HDLBP: variants seen among roughly 807,000 people sequenced by gnomAD.
HDLBP encodes vigilin.
A neutral mutation model predicts 137.3 loss-of-function variants in HDLBP; 30 were observed. That is an observed-to-expected ratio of 0.22 (90% CI 0.16 to 0.30). HDLBP has a LOEUF of 0.30. Among genes scored for constraint, HDLBP ranks in the 10% least tolerant of loss-of-function variants. The pLI, the probability that HDLBP is intolerant of heterozygous loss-of-function variation, is 1.00. For missense variants in HDLBP, 1,119 were observed against 1,667.3 expected (o/e 0.67, Z 5.73); for synonymous variants, 606 against 596.0 (o/e 1.02, Z -0.24).
chr2:241,304,280 A>G (rs564200755), intron 1 of HDLBP, among the ~76,000 whole-genome samples: 37 of 152,380 alleles, frequency 2.4e-4, no homozygotes, highest in African/African-American at 8.4e-4. Context: ...ATAGCACACC[A>G]ATGGCTTCAC....
intron 1 of HDLBP, among the ~76,000 whole-genome samples, chr2:241,281,067 G>A (rs1272499808): frequency 2.0e-5 from 3 of 152,186 alleles, no homozygotes; most frequent in South Asian, 2.1e-4. Context: ...TTCTTAATAA[G>A]ATGGGGGGCT....
At position 241,238,638 on chromosome 2, in the gene HDLBP, G is replaced by T. The variant is rs1204452252; in HGVS notation, c.2749+11C>A. On this transcript the variant is annotated intron_variant, in intron 20 of 27. Coordinates refer to ENST00000310931, the MANE Select transcript of HDLBP (RefSeq NM_005336.6). The surrounding 1 kb of genome is among the most constrained non-coding windows in gnomAD (Gnocchi z 4.9). ...TATTAACAAGCAGAGCAGGGCTAAT[G>T]GGGGACCCACCTGCGTTCTCCTCTC... is the stretch of plus-strand genomic sequence containing the variant. 1 of 1,551,410 alleles carries T rather than the reference G, an allele frequency of 6.4e-7. No homozygotes were observed. The highest frequency in any genetic ancestry group is 1.2e-5 in the South Asian group (1 of 83,532).
chr2:241,241,383 CTG>C (rs2071199927), intron 17 of HDLBP, among the ~76,000 whole-genome samples: 1 of 151,692 alleles, frequency 6.6e-6, no homozygotes, highest in Non-Finnish European at 1.5e-5. Context: ...CTAGCTAACA[CTG>C]TGAAACCCCA....
rs537911482 is a variant in HDLBP, at chr2:241,266,920, G to A, written c.-37-14C>T. ...CCGGGAAAACCACTAAAGCAAAGAA[G>A]AATAAATCAGAAGTCAAAGTACAAC... On this transcript the variant is annotated splice_polypyrimidine_tract_variant and intron_variant, in intron 2 of 27. Coordinates refer to ENST00000310931, the MANE Select transcript of HDLBP (RefSeq NM_005336.6). 9 of 1,567,138 alleles carry A rather than the reference G, an allele frequency of 5.7e-6. No individual in the cohort carries two copies. The African/African-American group carries it at 8.1e-5, about 14-fold the overall frequency.
intron 1 of HDLBP, among the ~76,000 whole-genome samples, chr2:241,288,604 G>A (rs1472255587): frequency 6.6e-6 from 1 of 152,158 alleles, no homozygotes; most frequent in African/African-American, 2.4e-5. Context: ...ACTCACTGAA[G>A]AAACAAACCA....
At chr2:241,250,248 G>A (rs894292648) in intron 11 of HDLBP, 2 of 321,038 alleles carry the variant, frequency 6.2e-6, no homozygotes, top group East Asian at 5.7e-5. Flanking sequence ...AATAACTGAC[G>A]GTTGGGGCCA....
rs778670196 is a variant in HDLBP at position 241,235,156 on chromosome 2, G to A, written c.3109C>T (p.Arg1037Cys). The A allele has an allele frequency of 3.1e-6, 5 of 1,613,954 alleles. No individual in the cohort carries two copies. Among genetic ancestry groups the A allele is most frequent in the Admixed American group, 1.7e-5 (1 of 60,016 alleles). Residue 1037 changes from arginine (R) to cysteine (C), a missense_variant, in exon 23 of 28, where the codon CGT becomes TGT. Transcript: ENST00000310931. ...TGCTCGGCCTGTAGCTCCTTCACAC[G>A]CTCCAGCAGTCCAGCCTTGGCCCGG... ...LDRAKAGLLE[R>C]VKELQAEQED... is the part of the protein sequence containing the mutation.
chr2:241,281,176 A>G lies in HDLBP; in HGVS notation c.-102-12635T>C, dbSNP rs538474950. Among the ~76,000 whole-genome samples the G allele has an allele frequency of 1.4e-4, 21 of 152,232 alleles. No homozygotes were observed. In the South Asian group the frequency reaches 4.1e-3, roughly 30 times the overall value. ...ATCGAGATCAGCCTGACCAACAGGG[A>G]GAAACCCCATCTCTACTAAAACACA... is the stretch of plus-strand genomic sequence containing the variant. On this transcript the variant is annotated intron_variant, in intron 1 of 27. Coordinates refer to ENST00000310931, the MANE Select transcript of HDLBP (RefSeq NM_005336.6).
At chr2:241,248,561 C>T (rs116838395) in intron 12 of HDLBP, among the ~76,000 whole-genome samples, 3,138 of 152,272 alleles carry the variant, frequency 0.021, 37 homozygotes, top group Non-Finnish European at 0.033. Context: ...CGCTACACTC[C>T]GCAACATGGG....
chr2:241,270,065 T>C (rs1437467980), intron 1 of HDLBP, among the ~76,000 whole-genome samples: 2 of 152,128 alleles, frequency 1.3e-5, no homozygotes, highest in African/African-American at 4.8e-5. Context: ...GTTCCGTCCA[T>C]GTCAGCCCGC....
chr2:241,238,327 C>T lies in HDLBP; in HGVS notation c.2749+322G>A, dbSNP rs144143263. ...AGGAAGCTCTACGACGGGGCTCATG[C>T]GATCCAAACGATGTCATGAGAATCA... is the stretch of plus-strand genomic sequence containing the variant. On this transcript the variant is annotated intron_variant, in intron 20 of 27. Transcript: ENST00000310931. This position sits in a 1 kb window ranked among gnomAD's most constrained non-coding sequence, Gnocchi z 4.9. The T allele has an allele frequency of 3.0e-4, 58 of 194,448 alleles. No individual in the cohort carries two copies. Among genetic ancestry groups the T allele is most frequent in the Non-Finnish European group, 4.5e-4 (43 of 96,026 alleles). 12.0% of individuals were successfully genotyped at this position (194,448 alleles called of 1,614,324 possible).
chr2:241,253,380 A>G lies in HDLBP; in HGVS notation c.1293+13T>C. On this transcript the variant is annotated intron_variant, in intron 10 of 27. Coordinates refer to ENST00000310931, the MANE Select transcript of HDLBP (RefSeq NM_005336.6). ...TGTCACCAGCACACACAACATTCCAAGGGGTACCTTACCAAATCTTTGACC... is the reference window on the plus strand; with the variant it reads ...TGTCACCAGCACACACAACATTCCAGGGGGTACCTTACCAAATCTTTGACC... 1 of 1,555,644 alleles carries G rather than the reference A, an allele frequency of 6.4e-7. No individual in the cohort carries two copies. The highest frequency in any genetic ancestry group is 8.9e-7 in the Non-Finnish European group (1 of 1,126,170).
intron 9 of HDLBP, 87 bp from the exon 10 acceptor site, chr2:241,253,584 G>T: frequency 1.1e-6 from 1 of 870,022 alleles, no homozygotes; most frequent in Non-Finnish European, 1.9e-6. Context: ...CTTCGGAGCG[G>T]CTTCTGATCC....
intron 5 of HDLBP, among the ~76,000 whole-genome samples, chr2:241,257,105 C>T (rs956133973): frequency 2.6e-5 from 4 of 151,772 alleles, no homozygotes; most frequent in African/African-American, 4.8e-5. Context: ...AGCATGACTG[C>T]ATATCCAGAA....
In HDLBP at chr2:241,248,120, G is replaced by C. The variant is rs1457690137; in HGVS notation, c.1618-4C>G. ...GGTCTGGAAAGTTAATGATGACCTA[G>C]AACAAATCATGGGGAGACTAAGTTC... On this transcript the variant is annotated splice_region_variant and splice_polypyrimidine_tract_variant and intron_variant, in intron 13 of 27. Transcript: ENST00000310931. 1 of 1,609,260 alleles carries C rather than the reference G, an allele frequency of 6.2e-7. No homozygotes were observed. The highest frequency in any genetic ancestry group is 2.2e-5 in the East Asian group (1 of 44,862).
intron 1 of HDLBP, among the ~76,000 whole-genome samples, chr2:241,280,999 G>T (rs1019428209): frequency 1.3e-5 from 2 of 152,148 alleles, no homozygotes; most frequent in Admixed American, 6.5e-5. Flanking sequence ...GCTGAGTAAA[G>T]AATAATATTT....
rs1490551261 is a variant in HDLBP, at chr2:241,228,479, T to G, written c.*1122A>C. The G allele has an allele frequency of 6.6e-6, 1 of 152,382 alleles. No homozygotes were observed. Among genetic ancestry groups the G allele is most frequent in the Non-Finnish European group, 1.5e-5 (1 of 68,180 alleles). The allele number at this position is 152,382 out of a possible 1,614,324, so 9.4% of individuals were successfully genotyped here. A position where few individuals can be genotyped will look rare whatever the true frequency, so the allele number is the denominator to read the frequency against. ...GGCTGGCCTGCACAGCCGGATGGCC[T>G]GTGGGCGGGGTGGAAGTGCCCACTC... On this transcript the variant is annotated 3_prime_UTR_variant, in exon 28 of 28. Transcript: ENST00000310931.
intron 17 of HDLBP, among the ~76,000 whole-genome samples, chr2:241,242,235 T>G (rs1275171638): frequency 6.6e-6 from 1 of 152,154 alleles, no homozygotes. Context: ...ACCCCAAAAC[T>G]AATAAGCCAA....
At chr2:241,285,729 T>C (rs992272940) in intron 1 of HDLBP, among the ~76,000 whole-genome samples, 4 of 152,342 alleles carry the variant, frequency 2.6e-5, no homozygotes, top group East Asian at 3.8e-4. Context: ...GAAAAACAAG[T>C]TGCCTTAAAA....
Sources: gnomAD v4.1 joint callset for allele counts (sites outside exome capture counted in the v4.1 genomes callset) on GRCh38, gnomAD v4.1.1 for gene constraint, Gnocchi (gnomAD v3.1) non-coding constraint, MANE v1.5 for transcripts, NCBI Gene and HGNC (gene_info 2026-07-23, HGNC 2026-07-21) for gene names.